Variants in SCN11A observed in about 807,000 individuals in gnomAD.
SCN11A encodes the protein sodium channel protein type 11 subunit alpha.
SCN11A carries 122 observed loss-of-function variants against 162.2 expected under a neutral mutation model. The observed-to-expected ratio is 0.75, with a 90% confidence interval of 0.65 to 0.87. The LOEUF is 0.87. Among genes scored for constraint, SCN11A ranks in the 40% least tolerant of loss-of-function variants. The probability of loss-of-function intolerance (pLI) is 0.00; values close to 1 mark genes in which losing one functional copy is unlikely to be tolerated. For missense variants in SCN11A, 2,015 were observed against 2,181.6 expected (o/e 0.92, Z 1.52); for synonymous variants, 758 against 751.5 (o/e 1.01, Z -0.14).
At chr3:38,937,958 T>C (rs1323881030) in intron 7 of SCN11A, among the ~76,000 whole-genome samples, 1 of 152,028 alleles carries the variant, frequency 6.6e-6, no homozygotes, top group Non-Finnish European at 1.5e-5. Context: ...CTATTCACAA[T>C]AGCAAATACT....
intron 27 of SCN11A, among the ~76,000 whole-genome samples, chr3:38,864,464 T>C (rs529537706): frequency 2.0e-5 from 3 of 152,270 alleles, no homozygotes; most frequent in African/African-American, 7.2e-5. Context: ...TGAGTAATTG[T>C]GGAAATTTTA....
rs1004520849 is a variant in SCN11A, at chr3:38,908,139, A to G, written c.1300-17T>C. ...AACCAGAGCCTTCAAATTGAACAAA[A>G]GCAATTAAAGAACAGATTACACCTC... On this transcript the variant is annotated splice_polypyrimidine_tract_variant and intron_variant, in intron 13 of 29. Transcript: ENST00000302328. 1 of 1,604,956 alleles carries G rather than the reference A, an allele frequency of 6.2e-7. No individual in the cohort carries two copies. Among genetic ancestry groups the G allele is most frequent in the Non-Finnish European group, 8.5e-7 (1 of 1,177,746 alleles).
intron 7 of SCN11A, among the ~76,000 whole-genome samples, chr3:38,928,014 G>A (rs1184261639): frequency 1.3e-5 from 2 of 152,066 alleles, no homozygotes; most frequent in Non-Finnish European, 2.9e-5. Flanking sequence ...TTTCCACAAG[G>A]GTGACAAGAC....
intron 23 of SCN11A, among the ~76,000 whole-genome samples, chr3:38,878,281 T>C (rs1490435892): frequency 6.6e-6 from 1 of 152,084 alleles, no homozygotes; most frequent in African/African-American, 2.4e-5. Flanking sequence ...ACTAGATTTC[T>C]AGTGAAACTA....
chr3:38,914,222 G>A (rs756059978), intron 11 of SCN11A, among the ~76,000 whole-genome samples: 5 of 152,040 alleles, frequency 3.3e-5, no homozygotes, highest in Non-Finnish European at 7.4e-5. Flanking sequence ...CCTGTTGGCT[G>A]TATTCCTATG....
chr3:38,999,305 A>C (rs1442516693), intron 2 of SCN11A, among the ~76,000 whole-genome samples: 1 of 152,178 alleles, frequency 6.6e-6, no homozygotes, highest in Non-Finnish European at 1.5e-5. Context: ...TTGAATCAAG[A>C]CTCATTTTGG....
intron 2 of SCN11A, among the ~76,000 whole-genome samples, chr3:38,978,676 A>G (rs182091244): frequency 1.1e-3 from 163 of 152,318 alleles, no homozygotes; most frequent in Middle Eastern, 3.4e-3. Flanking sequence ...CTTTTCATAA[A>G]CAGAAAGTAA....
chr3:38,920,931 C>G, intron 10 of SCN11A, 145 bp downstream of exon 10: 1 of 736,344 alleles, frequency 1.4e-6, no homozygotes, highest in Non-Finnish European at 2.3e-6. Flanking sequence ...GGAAATGCAT[C>G]TGCCCACAGG....
At chr3:39,014,287 A>G (rs1019562523) in intron 2 of SCN11A, among the ~76,000 whole-genome samples, 1 of 152,192 alleles carries the variant, frequency 6.6e-6, no homozygotes, top group Non-Finnish European at 1.5e-5. Flanking sequence ...CAATGGAACT[A>G]TTGTGTCTCC....
At chr3:39,037,335 T>C (rs955215517) in intron 1 of SCN11A, among the ~76,000 whole-genome samples, 3 of 152,050 alleles carry the variant, frequency 2.0e-5, no homozygotes, top group Non-Finnish European at 2.9e-5. Flanking sequence ...TGAAGGGTAG[T>C]GGTGGGGGTC....
rs2065058887 is a variant in SCN11A at position 38,867,438 on chromosome 3, A to T, written c.3834T>A (p.Phe1278Leu). The change falls in exon 27 of 30, where the codon TTT becomes TTA. Residue 1278 changes from phenylalanine (F) to leucine (L), a missense_variant. Transcript: ENST00000302328. ...DSTEKEQQPE[F>L]ESNSLGYIYF... Reference sequence around the variant, plus strand: ...AAATGTAACCGAGTGAATTGCTCTCAAACTCTGGCTGTTGTTCTTTCTGTT... The same window carrying T: ...AAATGTAACCGAGTGAATTGCTCTCTAACTCTGGCTGTTGTTCTTTCTGTT... 1 of 1,607,958 alleles carries T rather than the reference A, an allele frequency of 6.2e-7. No individual in the cohort carries two copies. Among genetic ancestry groups the T allele is most frequent in the Non-Finnish European group, 8.5e-7 (1 of 1,177,774 alleles).
At chr3:38,951,581 T>A (rs571157635) in intron 4 of SCN11A, among the ~76,000 whole-genome samples, 2 of 152,236 alleles carry the variant, frequency 1.3e-5, no homozygotes, top group Non-Finnish European at 2.9e-5. Flanking sequence ...GCGGCCCCGG[T>A]GCGGGATCCA....
At chr3:38,935,095 C>T (rs56313337) in intron 7 of SCN11A, among the ~76,000 whole-genome samples, 10,216 of 152,166 alleles carry the variant, frequency 0.067, 401 homozygotes, top group Middle Eastern at 0.11. Flanking sequence ...CGCTCAACTA[C>T]GTGGAAACTG....
chr3:38,987,715 A>G (rs762620906), intron 2 of SCN11A, among the ~76,000 whole-genome samples: 10 of 152,124 alleles, frequency 6.6e-5, no homozygotes. Context: ...TTAAAAATGC[A>G]AAGAGCAGGC....
intron 2 of SCN11A, among the ~76,000 whole-genome samples, chr3:38,983,083 G>A (rs950370829): frequency 1.3e-5 from 2 of 152,272 alleles, no homozygotes; most frequent in South Asian, 2.1e-4. Context: ...GAGCTGAATA[G>A]GGAAGGCTGT....
At chr3:39,050,311 T>C (rs2032301030) in intron 1 of SCN11A, among the ~76,000 whole-genome samples, 1 of 152,212 alleles carries the variant, frequency 6.6e-6, no homozygotes, top group Non-Finnish European at 1.5e-5. Flanking sequence ...CTTACAATCA[T>C]CTTTCTTCAT....
intron 3 of SCN11A, among the ~76,000 whole-genome samples, 142 bp downstream of exon 3, chr3:38,960,141 C>T (rs542223023): frequency 1.3e-5 from 2 of 152,132 alleles, no homozygotes; most frequent in African/African-American, 2.4e-5. Flanking sequence ...ATCTCGTACC[C>T]GCTCTCTGCT....
intron 2 of SCN11A, among the ~76,000 whole-genome samples, chr3:39,001,802 AGGTG>A (rs2030821710): frequency 2.0e-5 from 3 of 152,316 alleles, no homozygotes; most frequent in Non-Finnish European, 4.4e-5. Context: ...TGGGAGGCCA[AGGTG>A]GGCGGATCAC....
At chr3:38,993,516 C>T (rs1357746104) in intron 2 of SCN11A, among the ~76,000 whole-genome samples, 2 of 152,176 alleles carry the variant, frequency 1.3e-5, no homozygotes, top group Non-Finnish European at 2.9e-5. Flanking sequence ...ATTGGTTTTA[C>T]TATAAGAAAC....
Sources: allele counts gnomAD v4.1 joint callset (sites outside exome capture counted in the v4.1 genomes callset), GRCh38; gene constraint gnomAD v4.1.1; transcripts MANE v1.5; gene names NCBI Gene and HGNC (gene_info 2026-07-23, HGNC 2026-07-21).